The following MSANTD1 variants were observed in gnomAD, a reference collection of about 807,000 sequenced individuals.
MSANTD1 encodes the protein myb/SANT-like DNA-binding domain-containing protein 1.
Under a neutral mutation model 24.2 loss-of-function variants are expected in MSANTD1, and 7 were observed. The ratio of observed to expected loss-of-function variants is 0.29; its 90% CI spans 0.16 to 0.54. The LOEUF (loss-of-function observed/expected upper bound fraction) is 0.54, where lower values mean the gene tolerates loss of function less well. MSANTD1 is among the 20% of genes least tolerant of loss of function. The probability of loss-of-function intolerance (pLI) is 0.94; values close to 1 mark genes in which losing one functional copy is unlikely to be tolerated. For synonymous variants in MSANTD1, 177 were observed against 181.1 expected, an observed-to-expected ratio of 0.98 and a Z score of 0.18; for missense variants, 384 against 408.2, an observed-to-expected ratio of 0.94 and a Z score of 0.51.
In MSANTD1 at chr4:3,252,069, C is replaced by T. The variant is rs369382786; in HGVS notation, c.321-1138C>T. ...CCAATGGCCACACCCTGGCAGGTAG[C>T]AAGAGTAGGAGAGAGGAGACACCCA... On this transcript the variant is annotated intron_variant, in intron 1 of 2. Coordinates refer to ENST00000438480, the MANE Select transcript of MSANTD1 (RefSeq NM_001042690.2). 8.5e-5 allele frequency among the ~76,000 whole-genome samples: 13 copies of T among 152,348 alleles called. No homozygotes were observed. In the East Asian group the frequency reaches 2.5e-3, roughly 29 times the overall value.
At chr4:3,255,585 A>G in intron 2 of MSANTD1, 140 bp from the exon 3 acceptor site, 1 of 1,144,176 alleles carries the variant, frequency 8.7e-7, no homozygotes, top group East Asian at 2.7e-5. Context: ...ATGGAATATG[A>G]GACCCTGAGT....
chr4:3,255,659 C>T (rs1044319907), intron 2 of MSANTD1, 66 bp from the exon 3 acceptor site: 86 of 1,443,990 alleles, frequency 6.0e-5, no homozygotes, highest in African/African-American at 4.2e-4. Context: ...CGGGAGGGTC[C>T]GGTGAGGCCC....
chr4:3,253,594 G>A (rs1722299038), intron 2 of MSANTD1, 112 bp downstream of exon 2: 9 of 1,213,326 alleles, frequency 7.4e-6, no homozygotes, highest in Middle Eastern at 2.1e-4. Context: ...GGTTGCAGAG[G>A]CCGTGGCTGC....
chr4:3,250,586 A>C (rs1274441676), intron 1 of MSANTD1, among the ~76,000 whole-genome samples: 3 of 152,116 alleles, frequency 2.0e-5, no homozygotes, highest in African/African-American at 7.2e-5. Flanking sequence ...TCTTGCACGG[A>C]GCGAGGGTGG....
At chr4:3,244,907 A>G (rs1721973247), upstream of MSANTD1, 1 of 152,282 alleles carries the variant, frequency 6.6e-6, no homozygotes, top group African/African-American at 2.4e-5. Flanking sequence ...CTGAGCAGGG[A>G]TAGGGATCAG....
chr4:3,249,379 G>C lies in MSANTD1; in HGVS notation c.157G>C (p.Gly53Arg). 2 of 1,580,738 alleles carry C rather than the reference G, an allele frequency of 1.3e-6. No individual in the cohort carries two copies. Among genetic ancestry groups the C allele is most frequent in the Non-Finnish European group, 1.7e-6 (2 of 1,164,400 alleles). ...ARNWTDAEMR[G>R]LMLVWEEFFD... is the part of the protein sequence containing the mutation. ...CAACTGGACGGACGCCGAGATGCGC[G>C]GCCTCATGCTGGTCTGGGAGGAGTT... The change falls in exon 1 of 3, where the codon GGC becomes CGC. Residue 53 changes from glycine (G) to arginine (R), a missense_variant. Transcript: ENST00000438480.
At chr4:3,245,596 G>A (rs1009395254), upstream of MSANTD1, among the ~76,000 whole-genome samples, 1 of 152,220 alleles carries the variant, frequency 6.6e-6, no homozygotes, top group African/African-American at 2.4e-5. Flanking sequence ...GCGAGCCCAC[G>A]AGTCTGGTCC....
chr4:3,246,712 C>A, upstream of MSANTD1: 1 of 682,622 alleles, frequency 1.5e-6, no homozygotes, highest in Non-Finnish European at 2.7e-6. Flanking sequence ...TGGGGACCCT[C>A]CCAGGCAGGA....
rs913676483 is a variant in MSANTD1 at position 3,249,345 on chromosome 4, G to A, written c.123G>A (p.Arg41=). The A allele has an allele frequency of 1.6e-5, 25 of 1,553,368 alleles. No homozygotes were observed. Among genetic ancestry groups the A allele is most frequent in the Non-Finnish European group, 2.1e-5 (24 of 1,148,244 alleles). ...YLVSPQAEKH[R]RARNWTDAEM... is the part of the protein sequence containing the mutation. The stretch of plus-strand genomic sequence containing the variant: ...TGTCTCCCCAGGCGGAGAAGCACCG[G>A]CGGGCCCGCAACTGGACGGACGCCG... Residue 41 remains arginine (R), a synonymous_variant, in exon 1 of 3, where the codon CGG becomes CGA. Transcript: ENST00000438480.
chr4:3,249,131 A>G (rs1722127411), upstream of MSANTD1: 2 of 1,194,908 alleles, frequency 1.7e-6, no homozygotes, highest in Non-Finnish European at 2.2e-6. Context: ...TTCCCGTTTA[A>G]AAGCTTTTAA....
rs1722281975 is a variant in MSANTD1 at position 3,253,204 on chromosome 4, C to T, written c.321-3C>T. ...CCCTTGGCTCTTGTGTCTCTCGTTTCAGGAAATTAAAATGCATGACAGATA... is the reference window on the plus strand; with the variant it reads ...CCCTTGGCTCTTGTGTCTCTCGTTTTAGGAAATTAAAATGCATGACAGATA... On this transcript the variant is annotated splice_polypyrimidine_tract_variant and splice_region_variant and intron_variant, in intron 1 of 2. Transcript: ENST00000438480. 1 of 1,537,714 alleles carries T rather than the reference C, an allele frequency of 6.5e-7. No homozygotes were observed. Among genetic ancestry groups the T allele is most frequent in the Non-Finnish European group, 8.8e-7 (1 of 1,135,410 alleles).
chr4:3,250,690 G>C (rs1446336071), intron 1 of MSANTD1, among the ~76,000 whole-genome samples: 1 of 152,170 alleles, frequency 6.6e-6, no homozygotes, highest in Non-Finnish European at 1.5e-5. Context: ...GGCTGCCGGA[G>C]AGCCTGTCAG....
At chr4:3,255,476 T>G (rs1051884462) in intron 2 of MSANTD1, among the ~76,000 whole-genome samples, 2 of 152,132 alleles carry the variant, frequency 1.3e-5, no homozygotes, top group Non-Finnish European at 2.9e-5. Context: ...CACCTGCCTC[T>G]GCCTCCCAAA....
chr4:3,245,698 G>A (rs1722003158), upstream of MSANTD1, among the ~76,000 whole-genome samples: 1 of 152,218 alleles, frequency 6.6e-6, no homozygotes, highest in Non-Finnish European at 1.5e-5. Context: ...GACATCGCTT[G>A]CGGGTCCCCC....
chr4:3,249,586 C>G, intron 1 of MSANTD1, 44 bp downstream of exon 1: 2 of 1,532,184 alleles, frequency 1.3e-6, no homozygotes, highest in South Asian at 1.2e-5. Context: ...CGGGCGGGCC[C>G]GGGCGTGGCG....
chr4:3,251,445 C>G (rs1722225326), intron 1 of MSANTD1, among the ~76,000 whole-genome samples: 1 of 152,162 alleles, frequency 6.6e-6, no homozygotes, highest in South Asian at 2.1e-4. Context: ...TCTGGGCTGG[C>G]CAAGGGCTGC....
Position 3,249,990 on chromosome 4 carries a change from CA to C in MSANTD1, c.320+449del, listed in dbSNP as rs997286047. 6.6e-5 allele frequency among the ~76,000 whole-genome samples: 10 copies of C among 152,348 alleles called. No homozygotes were observed. In the South Asian group the frequency reaches 1.7e-3, roughly 25 times the overall value. ...AAGCTCCCAAGCTCAGCAGGGGTTT[CA>C]GGGGCCTACTGCGTCATTGGGGAAA... On this transcript the variant is annotated intron_variant, in intron 1 of 2. Coordinates refer to ENST00000438480, the MANE Select transcript of MSANTD1 (RefSeq NM_001042690.2).
chr4:3,252,807 A>G (rs1722266817), intron 1 of MSANTD1, among the ~76,000 whole-genome samples: 1 of 152,256 alleles, frequency 6.6e-6, no homozygotes, highest in Non-Finnish European at 1.5e-5. Context: ...ATCTTATAAT[A>G]CCTTATTATT....
intron 1 of MSANTD1, among the ~76,000 whole-genome samples, chr4:3,252,215 C>A (rs919947243): frequency 6.6e-6 from 1 of 152,222 alleles, no homozygotes; most frequent in Non-Finnish European, 1.5e-5. Context: ...GATGCCCCTG[C>A]CCCACCCCCA....
Sources: gnomAD v4.1 joint callset for allele counts (sites outside exome capture counted in the v4.1 genomes callset) on GRCh38, gnomAD v4.1.1 for gene constraint, MANE v1.5 for transcripts, NCBI Gene and HGNC (gene_info 2026-07-23, HGNC 2026-07-21) for gene names.